Variants in ENOSF1 observed in about 807,000 individuals in gnomAD.
ENOSF1 encodes mitochondrial enolase superfamily member 1.
Under a neutral mutation model 68.2 loss-of-function variants are expected in ENOSF1, and 73 were observed. That is an observed-to-expected ratio of 1.07 (90% CI 0.89 to 1.30). The LOEUF (loss-of-function observed/expected upper bound fraction) is 1.30, where lower values mean the gene tolerates loss of function less well. Among genes scored for constraint, ENOSF1 ranks in the 50% most tolerant of loss-of-function variants. The pLI is 0.00. For missense variants in ENOSF1, 589 were observed against 554.5 expected, an observed-to-expected ratio of 1.06 and a Z score of -0.62; for synonymous variants, 223 against 210.4, an observed-to-expected ratio of 1.06 and a Z score of -0.52.
intron 8 of ENOSF1, among the ~76,000 whole-genome samples, chr18:689,437 C>T (rs2741181): frequency 0.058 from 8,868 of 152,072 alleles, 366 homozygotes; most frequent in Non-Finnish European, 0.086. Context: ...CGCATTACCA[C>T]GCCCAGATAA....
intron 2 of ENOSF1, among the ~76,000 whole-genome samples, chr18:705,121 C>T (rs1415587436): frequency 1.3e-5 from 2 of 152,178 alleles, no homozygotes; most frequent in Non-Finnish European, 2.9e-5. Context: ...ATATGCTTAA[C>T]AATTTAAAAT....
At position 706,383 on chromosome 18, in the gene ENOSF1, T is replaced by C. The variant is rs896280491; in HGVS notation, c.193+87A>G. 5 of 912,708 alleles carry C rather than the reference T, an allele frequency of 5.5e-6. No individual in the cohort carries two copies. The African/African-American group carries it at 8.2e-5, about 15-fold the overall frequency. The allele number at this position is 912,708 out of a possible 1,614,324, so 56.5% of individuals were successfully genotyped here. A position where few individuals can be genotyped will look rare whatever the true frequency, so the allele number is the denominator to read the frequency against. The stretch of plus-strand genomic sequence containing the variant: ...AAACAAGATCAGAACTCAATCTAAA[T>C]CAAGATTCTAATGAATCTAAGAATC... On this transcript the variant is annotated intron_variant, in intron 2 of 15. Coordinates refer to ENST00000647584, the MANE Select transcript of ENOSF1 (RefSeq NM_017512.7).
chr18:700,847 G>A (rs527666897), intron 2 of ENOSF1, among the ~76,000 whole-genome samples: 2 of 127,766 alleles, frequency 1.6e-5, no homozygotes, highest in African/African-American at 6.1e-5. Context: ...CCAAGATCAC[G>A]CCATCGCACT....
intron 14 of ENOSF1, among the ~76,000 whole-genome samples, chr18:675,823 T>G (rs76654038): frequency 1.5e-5 from 1 of 66,490 alleles, no homozygotes; most frequent in Admixed American, 1.4e-4. Context: ...TGGGGTTTTT[T>G]TGGCAGGTAG....
At chr18:698,682 G>A (rs1417687127) in intron 2 of ENOSF1, among the ~76,000 whole-genome samples, 4 of 151,950 alleles carry the variant, frequency 2.6e-5, no homozygotes, top group Admixed American at 6.6e-5. Context: ...GTGCAGTGGC[G>A]GGATCTAGGC....
intron 12 of ENOSF1, 123 bp from the exon 13 acceptor site, chr18:677,995 G>C (rs889338672): frequency 3.3e-6 from 4 of 1,212,602 alleles, no homozygotes; most frequent in Non-Finnish European, 4.5e-6. Flanking sequence ...AGGAAGCCCA[G>C]ACTGTATTTC....
At chr18:705,138 A>G (rs910270716) in intron 2 of ENOSF1, among the ~76,000 whole-genome samples, 1 of 152,214 alleles carries the variant, frequency 6.6e-6, no homozygotes. Flanking sequence ...AAATCTCTCA[A>G]TGGGCCAAGA....
chr18:698,263 C>T (rs1251371479), intron 2 of ENOSF1, among the ~76,000 whole-genome samples: 1 of 152,174 alleles, frequency 6.6e-6, no homozygotes, highest in Non-Finnish European at 1.5e-5. Context: ...AATTATTTTC[C>T]TATTCACTTT....
chr18:705,753 A>G lies in ENOSF1; in HGVS notation c.193+717T>C, dbSNP rs151291174. 1.7e-3 allele frequency among the ~76,000 whole-genome samples: 252 copies of G among 152,180 alleles called. 4 individuals are homozygous for G. The East Asian group carries it at 0.045, about 27-fold the overall frequency. ...GCCGGGTGTGATGGCTCACACCTGT[A>G]ATCCCAGCACTTTGCGAGGCTGAGA... On this transcript the variant is annotated intron_variant, in intron 2 of 15. Coordinates refer to ENST00000647584, the MANE Select transcript of ENOSF1 (RefSeq NM_017512.7).
chr18:703,064 T>C (rs2078536953), intron 2 of ENOSF1, among the ~76,000 whole-genome samples: 1 of 152,184 alleles, frequency 6.6e-6, no homozygotes, highest in Admixed American at 6.5e-5. Flanking sequence ...CTGAAATATG[T>C]AGCAAGGTTA....
intron 9 of ENOSF1, chr18:687,225 C>CAA (rs1250186858): frequency 2.6e-5 from 4 of 152,234 alleles, no homozygotes; most frequent in African/African-American, 4.8e-5. Flanking sequence ...GGGGAAAAGG[C>CAA]AAGATGTGAT....
intron 5 of ENOSF1, 159 bp downstream of exon 5, chr18:693,723 T>TCAGAAAAGGAATGTG (rs1411555364): frequency 1.0e-6 from 1 of 985,230 alleles, no homozygotes; most frequent in Non-Finnish European, 1.2e-6. Flanking sequence ...ACGTCAGATA[T>TCAGAAAAGGAATGTG]CAGAAAAGGA....
chr18:667,591 ATGGT>A (rs2074881262), downstream of ENOSF1: 1 of 101,282 alleles, frequency 9.9e-6, no homozygotes, highest in Non-Finnish European at 1.9e-5. Flanking sequence ...GGTGATGGTG[ATGGT>A]GATGGTGATG....
the ENOSF1 span, among the ~76,000 whole-genome samples, chr18:664,046 C>G: frequency 1.4e-4 from 18 of 131,618 alleles, no homozygotes; most frequent in African/African-American, 5.5e-4. Flanking sequence ...TTTTCCAATT[C>G]TGTGAAGAAA....
chr18:707,973 C>T (rs2079112366), intron 1 of ENOSF1, among the ~76,000 whole-genome samples: 1 of 151,770 alleles, frequency 6.6e-6, no homozygotes, highest in Non-Finnish European at 1.5e-5. Context: ...GATTCTTCTG[C>T]CTCAGCCTCC....
At chr18:691,037 A>T in intron 7 of ENOSF1, 31 bp downstream of exon 7, 3 of 1,613,432 alleles carry the variant, frequency 1.9e-6, no homozygotes, top group Admixed American at 3.3e-5. Context: ...ATGTTAGCAA[A>T]AACAATGAAG....
the ENOSF1 span, among the ~76,000 whole-genome samples, chr18:664,092 A>G: frequency 6.1e-3 from 898 of 147,276 alleles, 11 homozygotes; most frequent in African/African-American, 0.021. Context: ...CATTGAATCT[A>G]TAAATTACCT....
chr18:692,764 G>A (rs1259275655), intron 5 of ENOSF1: 8 of 996,992 alleles, frequency 8.0e-6, no homozygotes, highest in African/African-American at 5.2e-5. Flanking sequence ...CCCGTAAAAC[G>A]CCAACCTTGA....
intron 3 of ENOSF1, among the ~76,000 whole-genome samples, chr18:695,081 T>G (rs1407479816): frequency 1.3e-5 from 2 of 152,222 alleles, no homozygotes; most frequent in Non-Finnish European, 2.9e-5. Flanking sequence ...CAATAATGTA[T>G]TTTATTTTAC....
Sources: gnomAD v4.1 joint callset for allele counts (sites outside exome capture counted in the v4.1 genomes callset) on GRCh38, gnomAD v4.1.1 for gene constraint, MANE v1.5 for transcripts, NCBI Gene and HGNC (gene_info 2026-07-23, HGNC 2026-07-21) for gene names.